Variants in AGMO observed in about 807,000 individuals in gnomAD.
AGMO encodes the protein glyceryl-ether monooxygenase.
Under a neutral mutation model 60.2 loss-of-function variants are expected in AGMO, and 75 were observed. The observed-to-expected ratio is 1.25, with a 90% CI of 1.03 to 1.51. The LOEUF is 1.51. Ranked by LOEUF, AGMO falls within the 40% of genes most tolerant of loss-of-function variation. The pLI, the probability that AGMO is intolerant of heterozygous loss-of-function variation, is 0.00. For synonymous variants in AGMO, 261 were observed against 177.1 expected, an observed-to-expected ratio of 1.47 and a Z score of -3.76; for missense variants, 763 against 525.5, an observed-to-expected ratio of 1.45 and a Z score of -4.42.
intron 12 of AGMO, among the ~76,000 whole-genome samples, chr7:15,338,040 GT>G (rs1459946287): frequency 6.6e-6 from 1 of 152,136 alleles, no homozygotes; most frequent in African/African-American, 2.4e-5. Flanking sequence ...GGAAAGGAAT[GT>G]TTTATAAATT....
the AGMO span, among the ~76,000 whole-genome samples, chr7:15,118,722 A>G: frequency 0.22 from 32,735 of 151,808 alleles, 4,621 homozygotes; most frequent in Non-Finnish European, 0.31. Context: ...ATATGACTAG[A>G]TAAGTAAACC....
chr7:15,469,726 T>A (rs975085101), intron 3 of AGMO, among the ~76,000 whole-genome samples: 17 of 152,094 alleles, frequency 1.1e-4, no homozygotes, highest in African/African-American at 3.9e-4. Context: ...GGTGATGATA[T>A]TAAAGGAGAT....
Position 15,385,523 on chromosome 7 carries a change from G to A in AGMO, c.997C>T (p.Gln333Ter), listed in dbSNP as rs770943190. The A allele has an allele frequency of 1.2e-6, 2 of 1,613,174 alleles. No homozygotes were observed. Among genetic ancestry groups the A allele is most frequent in the East Asian group, 2.2e-5 (1 of 44,806 alleles). Residue 333 changes from glutamine (Q) to a stop codon, truncating the protein, a stop_gained, in exon 10 of 13, where the codon CAG becomes TAG. Transcript: ENST00000342526. LOFTEE classifies it high-confidence loss of function. Reference protein sequence around the residue: ...KEVPFSSSSSQLLKIYTVVQF... With the variant: ...KEVPFSSSSS ...ACAACTGTATATATCTTTAATAGCT[G>A]AGATGAAGATGATGAGAAGGGAACT...
chr7:15,133,188 G>A, the AGMO span, among the ~76,000 whole-genome samples: 17 of 152,168 alleles, frequency 1.1e-4, no homozygotes, highest in African/African-American at 3.9e-4. Flanking sequence ...TCCTGTATGA[G>A]AGTGGGAAAG....
chr7:15,387,000 G>T (rs1384501879), intron 9 of AGMO, among the ~76,000 whole-genome samples: 1 of 152,108 alleles, frequency 6.6e-6, no homozygotes, highest in Non-Finnish European at 1.5e-5. Context: ...CATCTGTTCT[G>T]GGGGCCTCAG....
At chr7:15,410,452 A>G (rs1260321833) in intron 5 of AGMO, among the ~76,000 whole-genome samples, 6 of 151,856 alleles carry the variant, frequency 4.0e-5, no homozygotes, top group Admixed American at 3.3e-4. Context: ...ATAGTTAAGA[A>G]TGCAATTTTT....
chr7:15,295,869 G>A (rs891304834), intron 12 of AGMO, among the ~76,000 whole-genome samples: 1 of 152,074 alleles, frequency 6.6e-6, no homozygotes, highest in Non-Finnish European at 1.5e-5. Context: ...GAATTGGGAA[G>A]ACTGAATGTC....
At chr7:15,241,994 T>G (rs1355893714) in intron 12 of AGMO, among the ~76,000 whole-genome samples, 1 of 152,154 alleles carries the variant, frequency 6.6e-6, no homozygotes, top group Non-Finnish European at 1.5e-5. Flanking sequence ...CTCAATCTTA[T>G]AAGTATGCCA....
Position 15,322,658 on chromosome 7 carries a change from A to G in AGMO, c.1263+42856T>C, listed in dbSNP as rs1184041658. On this transcript the variant is annotated intron_variant, in intron 12 of 12. Coordinates refer to ENST00000342526, the MANE Select transcript of AGMO (RefSeq NM_001004320.2). ...TATATATAAATATATAAATATATAT[A>G]TAAATATATATAAATATATGTATAT... Among the ~76,000 whole-genome samples the G allele has an allele frequency of 9.7e-5, 8 of 82,482 alleles. 2 individuals are homozygous for G. The East Asian group carries it at 2.4e-3, about 25-fold the overall frequency. 54.1% of individuals were successfully genotyped at this position (82,482 alleles called of 152,430 possible).
chr7:15,398,946 A>T (rs1440342667), intron 5 of AGMO, among the ~76,000 whole-genome samples: 1 of 152,206 alleles, frequency 6.6e-6, no homozygotes, highest in Non-Finnish European at 1.5e-5. Context: ...TAAGACATAC[A>T]GCAATTTTCC....
chr7:15,250,178 T>G (rs1342460570), intron 12 of AGMO, among the ~76,000 whole-genome samples: 1 of 152,178 alleles, frequency 6.6e-6, no homozygotes, highest in Non-Finnish European at 1.5e-5. Context: ...CTCCCCTAGT[T>G]GATCCCTATA....
the AGMO span, among the ~76,000 whole-genome samples, chr7:15,122,930 G>C: frequency 6.6e-6 from 1 of 151,986 alleles, no homozygotes; most frequent in South Asian, 2.1e-4. Flanking sequence ...TCCACTCAGA[G>C]TAAAAAACAA....
chr7:15,494,672 A>G (rs1053445080), intron 3 of AGMO, among the ~76,000 whole-genome samples: 3 of 152,264 alleles, frequency 2.0e-5, no homozygotes, highest in African/African-American at 7.2e-5. Flanking sequence ...AGTTATGTCA[A>G]TAAATGGCTA....
chr7:15,227,731 A>G (rs1348413767), intron 12 of AGMO, among the ~76,000 whole-genome samples: 2 of 152,082 alleles, frequency 1.3e-5, no homozygotes, highest in Non-Finnish European at 2.9e-5. Flanking sequence ...ACACATGCCC[A>G]AGGACTTTGA....
intron 12 of AGMO, among the ~76,000 whole-genome samples, chr7:15,260,442 A>C (rs1451600013): frequency 1.3e-5 from 2 of 152,260 alleles, no homozygotes; most frequent in East Asian, 3.9e-4. Context: ...TAATGATAAA[A>C]GGACTAGTAC....
chr7:15,149,611 T>A, the AGMO span, among the ~76,000 whole-genome samples: 1 of 152,172 alleles, frequency 6.6e-6, no homozygotes, highest in Non-Finnish European at 1.5e-5. Flanking sequence ...TTGTCAAAGA[T>A]CAGATAGTTG....
chr7:15,499,934 T>C (rs7455661), intron 3 of AGMO, among the ~76,000 whole-genome samples: 823 of 61,802 alleles, frequency 0.013, 7 homozygotes, highest in African/African-American at 0.037. Flanking sequence ...CACACACACA[T>C]ATATATATAT....
intron 12 of AGMO, among the ~76,000 whole-genome samples, chr7:15,307,619 G>A (rs1294264387): frequency 6.6e-6 from 1 of 151,842 alleles, no homozygotes; most frequent in Non-Finnish European, 1.5e-5. Context: ...ATTTCCCAAG[G>A]TGATTGCTTC....
chr7:15,537,057 GCATATTGTTC>G (rs1784501170), intron 3 of AGMO, among the ~76,000 whole-genome samples: 1 of 151,946 alleles, frequency 6.6e-6, no homozygotes, highest in Admixed American at 6.6e-5. Flanking sequence ...ATATTTAACT[GCATATTGTTC>G]CAAAACAATC....
Sources: allele counts gnomAD v4.1 joint callset (sites outside exome capture counted in the v4.1 genomes callset), GRCh38; gene constraint gnomAD v4.1.1; transcripts MANE v1.5; gene names NCBI Gene and HGNC (gene_info 2026-07-23, HGNC 2026-07-21).